Variants in PLD1 observed in about 807,000 individuals in gnomAD.
PLD1 encodes choline phosphatase 1.
PLD1 carries 112 observed loss-of-function variants against 137.1 expected under a neutral mutation model. The observed-to-expected ratio is 0.82, with a 90% confidence interval of 0.70 to 0.96. The LOEUF (loss-of-function observed/expected upper bound fraction) is 0.96, where lower values mean the gene tolerates loss of function less well. PLD1 is among the 40% of genes least tolerant of loss of function. PLD1 has a pLI of 0.00. For synonymous variants in PLD1, 431 were observed against 454.7 expected, an observed-to-expected ratio of 0.95 and a Z score of 0.66; for missense variants, 1,321 against 1,342.0, an observed-to-expected ratio of 0.98 and a Z score of 0.24.
At chr3:171,730,072 G>T (rs1005267135) in intron 6 of PLD1, among the ~76,000 whole-genome samples, 1 of 152,134 alleles carries the variant, frequency 6.6e-6, no homozygotes, top group Non-Finnish European at 1.5e-5. Context: ...TATGAAAAAG[G>T]TACATTTATT....
chr3:171,618,249 T>C (rs940495275), intron 24 of PLD1, among the ~76,000 whole-genome samples: 1 of 152,152 alleles, frequency 6.6e-6, no homozygotes, highest in Non-Finnish European at 1.5e-5. Context: ...CAAAATAAAT[T>C]GGAGTCTTTG....
At chr3:171,707,764 C>G (rs986507088) in intron 11 of PLD1, among the ~76,000 whole-genome samples, 4 of 152,202 alleles carry the variant, frequency 2.6e-5, no homozygotes, top group African/African-American at 9.6e-5. Flanking sequence ...AAACACCCTA[C>G]AATGCATAGG....
At chr3:171,795,504 C>T (rs1275811323) in intron 1 of PLD1, among the ~76,000 whole-genome samples, 1 of 152,166 alleles carries the variant, frequency 6.6e-6, no homozygotes, top group Non-Finnish European at 1.5e-5. Context: ...TGGTCTTTCA[C>T]CCCTGCTCCC....
At chr3:171,660,766 C>T (rs1410915458) in intron 20 of PLD1, among the ~76,000 whole-genome samples, 7 of 152,004 alleles carry the variant, frequency 4.6e-5, no homozygotes, top group Middle Eastern at 3.4e-3. Context: ...CCACCATGCC[C>T]GGCTAATTTT....
chr3:171,641,111 A>G (rs1225115506), intron 23 of PLD1, among the ~76,000 whole-genome samples: 3 of 152,170 alleles, frequency 2.0e-5, no homozygotes, highest in Non-Finnish European at 4.4e-5. Context: ...TGCTCCCTCC[A>G]ATGGCTGCTA....
chr3:171,724,811 C>G, intron 7 of PLD1, 23 bp from the exon 8 acceptor site: 1 of 1,447,426 alleles, frequency 6.9e-7, no homozygotes, highest in Non-Finnish European at 9.7e-7. Flanking sequence ...GAAAATTAAC[C>G]CATCACCTTC....
chr3:171,641,087 C>T (rs977905976), intron 23 of PLD1, among the ~76,000 whole-genome samples: 2 of 152,120 alleles, frequency 1.3e-5, no homozygotes, highest in African/African-American at 4.8e-5. Context: ...GACATGGGAG[C>T]CTTAACCCTG....
At chr3:171,628,773 T>C (rs1734372723) in intron 23 of PLD1, among the ~76,000 whole-genome samples, 2 of 152,118 alleles carry the variant, frequency 1.3e-5, no homozygotes, top group Non-Finnish European at 2.9e-5. Context: ...CGTGATTATC[T>C]CAATAGATGC....
intron 1 of PLD1, among the ~76,000 whole-genome samples, chr3:171,806,648 C>T (rs111312624): frequency 6.6e-6 from 1 of 152,140 alleles, no homozygotes; most frequent in Non-Finnish European, 1.5e-5. Flanking sequence ...GTGTTGGGTC[C>T]CCTAGTATCA....
intron 8 of PLD1, among the ~76,000 whole-genome samples, chr3:171,721,183 A>G (rs1718099541): frequency 6.6e-6 from 1 of 152,186 alleles, no homozygotes; most frequent in Non-Finnish European, 1.5e-5. Context: ...AAACCAGACC[A>G]TGGCTTCCAT....
At position 171,604,970 on chromosome 3, in the gene PLD1, T is replaced by C. The variant is rs1732093151; in HGVS notation, c.3000+329A>G. Among the ~76,000 whole-genome samples the C allele has an allele frequency of 2.0e-5, 3 of 152,310 alleles. No homozygotes were observed. In the South Asian group the frequency reaches 6.2e-4, roughly 32 times the overall value. On this transcript the variant is annotated intron_variant, in intron 26 of 26. Transcript: ENST00000351298. ...CTAGGCTGGACTCAGCTGTGGCTTG[T>C]TTTTTTATGCCATCTGCCCCTCTTC... is the stretch of plus-strand genomic sequence containing the variant.
intron 1 of PLD1, among the ~76,000 whole-genome samples, chr3:171,794,659 A>C (rs2108353728): frequency 7.0e-6 from 1 of 143,654 alleles, no homozygotes; most frequent in African/African-American, 2.6e-5. Flanking sequence ...ATAAAACAAA[A>C]AACTGAGGAA....
At chr3:171,645,066 G>A (rs1278049448) in intron 21 of PLD1, 43 bp from the exon 22 acceptor site, 1 of 1,287,738 alleles carries the variant, frequency 7.8e-7, no homozygotes, top group Admixed American at 1.7e-5. Context: ...AAAAATAAAA[G>A]GTAGTATCAA....
chr3:171,796,779 C>T (rs1481972509), intron 1 of PLD1, among the ~76,000 whole-genome samples: 1 of 152,172 alleles, frequency 6.6e-6, no homozygotes, highest in Non-Finnish European at 1.5e-5. Context: ...TTTTCAGGAA[C>T]CAATCAACTA....
At chr3:171,782,527 AT>A (rs2108342798) in intron 1 of PLD1, among the ~76,000 whole-genome samples, 1 of 152,334 alleles carries the variant, frequency 6.6e-6, no homozygotes, top group African/African-American at 2.4e-5. Flanking sequence ...CATAAATTGA[AT>A]TGATGAAAGG....
At chr3:171,696,360 C>G (rs1715690667) in intron 12 of PLD1, among the ~76,000 whole-genome samples, 1 of 152,132 alleles carries the variant, frequency 6.6e-6, no homozygotes, top group African/African-American at 2.4e-5. Flanking sequence ...TAAATGATGG[C>G]ATTGCAGATC....
chr3:171,696,880 A>T (rs1715742530), intron 12 of PLD1, among the ~76,000 whole-genome samples: 1 of 152,206 alleles, frequency 6.6e-6, no homozygotes, highest in Non-Finnish European at 1.5e-5. Flanking sequence ...CAGCTCCAAG[A>T]AGTGGATGAA....
chr3:171,681,818 T>A (rs1368416212), intron 16 of PLD1, among the ~76,000 whole-genome samples: 4 of 152,160 alleles, frequency 2.6e-5, no homozygotes, highest in Non-Finnish European at 4.4e-5. Context: ...TCCATTGCAT[T>A]CCTAAGAACA....
At chr3:171,704,002 C>A (rs1166949402) in intron 11 of PLD1, among the ~76,000 whole-genome samples, 1 of 152,170 alleles carries the variant, frequency 6.6e-6, no homozygotes, top group Non-Finnish European at 1.5e-5. Context: ...TAAATAAAAA[C>A]CCATCTTTCT....
Sources: allele counts gnomAD v4.1 joint callset (sites outside exome capture counted in the v4.1 genomes callset), GRCh38; gene constraint gnomAD v4.1.1; transcripts MANE v1.5; gene names NCBI Gene and HGNC (gene_info 2026-07-23, HGNC 2026-07-21).